The following ANTXRL variants were observed in gnomAD, a reference collection of about 807,000 sequenced individuals.
ANTXRL encodes ANTXR like, also known as anthrax toxin receptor-like.
Under a neutral mutation model 75.4 loss-of-function variants are expected in ANTXRL, and 63 were observed. The observed-to-expected ratio is 0.84, with a 90% CI of 0.68 to 1.03. The LOEUF (loss-of-function observed/expected upper bound fraction) is 1.03. Among genes scored for constraint, ANTXRL ranks in the 50% least tolerant of loss-of-function variants. The probability of loss-of-function intolerance (pLI) is 0.00; values close to 1 mark genes in which losing one functional copy is unlikely to be tolerated. For missense variants in ANTXRL, 797 were observed against 789.4 expected (o/e 1.01, Z -0.12); for synonymous variants, 335 against 291.3 (o/e 1.15, Z -1.53).
At position 46,287,194 on chromosome 10, in the gene ANTXRL, G is replaced by C; in HGVS notation, c.-69G>C. ...AGGGGAGGCGGCAAAGAAGGGGCCTGTGCTCAGCCTCTCTGGGCCCTGGCA... is the reference window on the plus strand; with the variant it reads ...AGGGGAGGCGGCAAAGAAGGGGCCTCTGCTCAGCCTCTCTGGGCCCTGGCA... On this transcript the variant is annotated 5_prime_UTR_variant, in exon 1 of 17. Transcript: ENST00000620264. 3 of 1,508,204 alleles carry C rather than the reference G, an allele frequency of 2.0e-6. No homozygotes were observed. In the South Asian group the frequency reaches 3.8e-5, roughly 19 times the overall value. 93.4% of individuals were successfully genotyped at this position (1,508,204 alleles called of 1,614,324 possible).
intron 7 of ANTXRL, 24 bp downstream of exon 7, chr10:46,297,498 C>G: frequency 1.3e-6 from 2 of 1,533,756 alleles, no homozygotes; most frequent in Non-Finnish European, 1.7e-6. Context: ...GGTAACCAGG[C>G]GCCACTTTCA....
intron 13 of ANTXRL, among the ~76,000 whole-genome samples, chr10:46,309,991 C>G (rs1478210690): frequency 6.6e-6 from 1 of 152,076 alleles, no homozygotes; most frequent in Non-Finnish European, 1.5e-5. Context: ...GAGGAGAGCG[C>G]AGAGCTCAGC....
At chr10:46,325,117 C>T (rs1000812060) in intron 16 of ANTXRL, among the ~76,000 whole-genome samples, 1 of 139,204 alleles carries the variant, frequency 7.2e-6, no homozygotes, top group Admixed American at 7.8e-5. Context: ...TCTTGTTTTT[C>T]TATGTTTATT....
intron 16 of ANTXRL, among the ~76,000 whole-genome samples, chr10:46,325,392 C>T (rs2132921887): frequency 6.6e-6 from 1 of 152,188 alleles, no homozygotes; most frequent in African/African-American, 2.4e-5. Flanking sequence ...GAGAAGGTCC[C>T]TTTGGTCTTG....
intron 2 of ANTXRL, chr10:46,292,913 G>A: frequency 6.5e-6 from 1 of 152,972 alleles, no homozygotes; most frequent in South Asian, 2.1e-4. Context: ...GCAGGAAGGA[G>A]GGTCAGGGAG....
chr10:46,292,073 CAAT>C lies in ANTXRL; in HGVS notation c.267_269del (p.Asn90del). On this transcript the variant is annotated inframe_deletion, in exon 2 of 17. Coordinates refer to ENST00000620264, the MANE Select transcript of ANTXRL (RefSeq NM_001278688.3). ...TTTGTTTTAGGTCTGGCAGCGTGAA[CAAT>C]AACTGGATTGACCTTTATATGTGGG... 6.5e-7 allele frequency: 1 copy of C among 1,536,324 alleles called. No individual in the cohort carries two copies. Among genetic ancestry groups the C allele is most frequent in the Non-Finnish European group, 8.7e-7 (1 of 1,146,820 alleles).
rs571981108 is a variant in ANTXRL, at chr10:46,304,905, C to T, written c.896-1898C>T. Among the ~76,000 whole-genome samples the T allele has an allele frequency of 2.5e-3, 380 of 152,242 alleles. 1 individual carries two copies. The highest frequency in any genetic ancestry group is 3.7e-3 in the Non-Finnish European group (253 of 68,012). On this transcript the variant is annotated intron_variant, in intron 10 of 16. Transcript: ENST00000620264. The stretch of plus-strand genomic sequence containing the variant: ...TGGGCCTGTGGGTGTACTGGCTTCC[C>T]ACCCTGGAGCTTACCATCTACATCT...
At chr10:46,324,034 G>A (rs1839098745) in intron 16 of ANTXRL, among the ~76,000 whole-genome samples, 1 of 152,144 alleles carries the variant, frequency 6.6e-6, no homozygotes. Context: ...CAGCAGTCAG[G>A]TCATGTCCCA....
At chr10:46,300,981 T>A in intron 9 of ANTXRL, among the ~76,000 whole-genome samples, 1 of 149,474 alleles carries the variant, frequency 6.7e-6, no homozygotes, top group South Asian at 2.1e-4. Flanking sequence ...TTCCTTTATC[T>A]CTCCCACCCC....
chr10:46,291,701 T>C (rs1836992676), intron 1 of ANTXRL, among the ~76,000 whole-genome samples: 1 of 152,184 alleles, frequency 6.6e-6, no homozygotes, highest in Non-Finnish European at 1.5e-5. Context: ...GTTGATTTTC[T>C]ATATTTGGAT....
intron 16 of ANTXRL, among the ~76,000 whole-genome samples, chr10:46,326,599 A>G (rs1554966565): frequency 6.6e-6 from 1 of 152,046 alleles, no homozygotes; most frequent in African/African-American, 2.4e-5. Context: ...CCAGAAGCCA[A>G]GATCTTGCCT....
Position 46,287,071 on chromosome 10 carries a change from C to CT in ANTXRL, c.-191dup. ...CTGGAAGCAAGTCTCCCAGAGCCAG[C>CT]TGCTGACCCTAGTCCCTGCGATCTG... On this transcript the variant is annotated 5_prime_UTR_variant, in exon 1 of 17. Coordinates refer to ENST00000620264, the MANE Select transcript of ANTXRL (RefSeq NM_001278688.3). The CT allele has an allele frequency of 1.4e-6, 1 of 700,546 alleles. No homozygotes were observed. Among genetic ancestry groups the CT allele is most frequent in the Non-Finnish European group, 2.3e-6 (1 of 434,692 alleles). 43.4% of individuals were successfully genotyped at this position (700,546 alleles called of 1,614,324 possible). A position where few individuals can be genotyped will look rare whatever the true frequency, so the allele number is the denominator to read the frequency against.
chr10:46,321,523 G>A (rs1028683730), intron 16 of ANTXRL, among the ~76,000 whole-genome samples: 5 of 152,146 alleles, frequency 3.3e-5, no homozygotes, highest in African/African-American at 1.2e-4. Context: ...TGCAGTGTGG[G>A]TGGTGACAAG....
chr10:46,321,564 A>G (rs1366886595), intron 16 of ANTXRL, among the ~76,000 whole-genome samples: 1 of 152,150 alleles, frequency 6.6e-6, no homozygotes, highest in Non-Finnish European at 1.5e-5. Context: ...AATGAGGTTC[A>G]AAGCAATTTT....
chr10:46,313,756 C>A (rs1165045764), intron 16 of ANTXRL, among the ~76,000 whole-genome samples: 1 of 152,210 alleles, frequency 6.6e-6, no homozygotes, highest in Non-Finnish European at 1.5e-5. Flanking sequence ...CTAAGCCATG[C>A]TTTCACTGTT....
At position 46,309,062 on chromosome 10, in the gene ANTXRL, A is replaced by C. The variant is rs577607147; in HGVS notation, c.1045-51A>C. ...GCAGATGGGCCACCAAGTGGTGGGC[A>C]CGGGGAAGAGGCCACCGAGGCCCTC... is the stretch of plus-strand genomic sequence containing the variant. On this transcript the variant is annotated intron_variant, in intron 12 of 16. Transcript: ENST00000620264. The C allele has an allele frequency of 3.3e-5, 51 of 1,534,832 alleles. 1 individual carries two copies. The South Asian group carries it at 5.6e-4, about 17-fold the overall frequency.
chr10:46,316,791 A>C (rs879950349), intron 16 of ANTXRL, among the ~76,000 whole-genome samples: 4 of 152,192 alleles, frequency 2.6e-5, no homozygotes, highest in Admixed American at 2.6e-4. Context: ...GCTGATCAGA[A>C]AAAAATCCAT....
chr10:46,327,617 T>C (rs1839287287), intron 16 of ANTXRL, among the ~76,000 whole-genome samples: 1 of 152,028 alleles, frequency 6.6e-6, no homozygotes, highest in Non-Finnish European at 1.5e-5. Context: ...CCCCTCTCAG[T>C]AAGAGAGAGA....
intron 3 of ANTXRL, among the ~76,000 whole-genome samples, chr10:46,295,510 G>GAGTTAGAGTTA (rs1554958274): frequency 1.9e-4 from 12 of 61,736 alleles, no homozygotes; most frequent in Non-Finnish European, 2.7e-4. Context: ...GTTAGAGTTA[G>GAGTTAGAGTTA]GAATGTCAAC....
Sources: allele counts gnomAD v4.1 joint callset (sites outside exome capture counted in the v4.1 genomes callset), GRCh38; gene constraint gnomAD v4.1.1; transcripts MANE v1.5; gene names NCBI Gene and HGNC (gene_info 2026-07-23, HGNC 2026-07-21).